Variants in PLXNA4 observed in about 807,000 individuals in gnomAD.
PLXNA4 encodes the protein plexin-A4.
PLXNA4 carries 44 observed loss-of-function variants against 191.8 expected under a neutral mutation model. The ratio of observed to expected loss-of-function variants is 0.23; its 90% CI spans 0.18 to 0.29. The LOEUF is 0.29. Among genes scored for constraint, PLXNA4 ranks in the 10% least tolerant of loss-of-function variants. The pLI, the probability that PLXNA4 is intolerant of heterozygous loss-of-function variation, is 1.00. For synonymous variants in PLXNA4, 1,082 were observed against 1,009.5 expected (o/e 1.07, Z -1.36); for missense variants, 1,800 against 2,488.8 (o/e 0.72, Z 5.89).
At chr7:132,386,631 G>A (rs1772722985) in intron 3 of PLXNA4, among the ~76,000 whole-genome samples, 1 of 152,182 alleles carries the variant, frequency 6.6e-6, no homozygotes, top group Non-Finnish European at 1.5e-5. Context: ...TCTCTCGTTA[G>A]TCAGCCTTTC....
At position 132,124,903 on chromosome 7, in the gene PLXNA4, C is replaced by CAGTCT. The variant is rs1794727051; in HGVS notation, c.*5571_*5575dup. 1 of 152,140 alleles carries CAGTCT rather than the reference C, an allele frequency of 6.6e-6. No homozygotes were observed. Among genetic ancestry groups the CAGTCT allele is most frequent in the African/African-American group, 2.4e-5 (1 of 41,432 alleles). The allele number at this position is 152,140 out of a possible 1,614,324, so 9.4% of individuals were successfully genotyped here. ...CTTTGCTTTGCTTTCTGGTAGGCAC[C>CAGTCT]AGTCTACTCAAGGAATTTAATCGGG... On this transcript the variant is annotated 3_prime_UTR_variant, in exon 32 of 32. Transcript: ENST00000321063.
chr7:132,409,442 G>T lies in PLXNA4; in HGVS notation c.1371+79850C>A, dbSNP rs892600980. ...GCACCTTCTTACAAATCATCTGATGGTCTCATGGTTTCCAGTTCCATTTCC... is the reference window on the plus strand; with the variant it reads ...GCACCTTCTTACAAATCATCTGATGTTCTCATGGTTTCCAGTTCCATTTCC... On this transcript the variant is annotated intron_variant, in intron 3 of 31. Coordinates refer to ENST00000321063, the MANE Select transcript of PLXNA4 (RefSeq NM_020911.2). 9.8e-5 allele frequency among the ~76,000 whole-genome samples: 15 copies of T among 152,296 alleles called. 1 individual carries two copies. In the South Asian group the frequency reaches 2.9e-3, roughly 30 times the overall value.
At chr7:132,206,499 CTT>C in intron 10 of PLXNA4, among the ~76,000 whole-genome samples, 1 of 151,512 alleles carries the variant, frequency 6.6e-6, no homozygotes, top group African/African-American at 2.4e-5. Flanking sequence ...TAAATTTTCT[CTT>C]TGAAGAAATT....
At chr7:132,257,258 A>G (rs2116207381) in intron 4 of PLXNA4, among the ~76,000 whole-genome samples, 1 of 152,332 alleles carries the variant, frequency 6.6e-6, no homozygotes, top group African/African-American at 2.4e-5. Flanking sequence ...CCCAAACATC[A>G]TGGACAATGA....
At chr7:132,321,759 A>C (rs10265728) in intron 3 of PLXNA4, among the ~76,000 whole-genome samples, 20,620 of 152,150 alleles carry the variant, frequency 0.14, 2,242 homozygotes, top group African/African-American at 0.3. Context: ...GGGAGGGGCA[A>C]AAAGGAGGCC....
chr7:132,203,583 T>C (rs545791362), intron 10 of PLXNA4, among the ~76,000 whole-genome samples, 164 bp from the exon 11 acceptor site: 1 of 152,226 alleles, frequency 6.6e-6, no homozygotes, highest in Non-Finnish European at 1.5e-5. Context: ...AGTATGCACA[T>C]GCACATGTGT....
chr7:132,460,493 G>C (rs1796468589), intron 3 of PLXNA4, among the ~76,000 whole-genome samples: 1 of 152,140 alleles, frequency 6.6e-6, no homozygotes, highest in Admixed American at 6.5e-5. Context: ...CTTCTCAAGT[G>C]ACAGCTTCAT....
intron 1 of PLXNA4, among the ~76,000 whole-genome samples, chr7:132,568,764 G>T (rs144010033): frequency 6.6e-6 from 1 of 152,194 alleles, no homozygotes. Flanking sequence ...ATGCCCTACC[G>T]CAGACCCACG....
intron 1 of PLXNA4, among the ~76,000 whole-genome samples, chr7:132,553,419 A>G (rs1039874784): frequency 6.6e-6 from 1 of 152,176 alleles, no homozygotes; most frequent in Non-Finnish European, 1.5e-5. Context: ...GGTGATGGTC[A>G]TCAGCCCAGG....
intron 2 of PLXNA4, among the ~76,000 whole-genome samples, chr7:132,620,135 C>T (rs1408454224): frequency 2.0e-5 from 3 of 152,072 alleles, no homozygotes; most frequent in Non-Finnish European, 2.9e-5. Context: ...TTGATGGTAC[C>T]ATGTTTAAGA....
chr7:132,249,432 T>C (rs1380312865), intron 4 of PLXNA4, among the ~76,000 whole-genome samples: 1 of 152,162 alleles, frequency 6.6e-6, no homozygotes, highest in Non-Finnish European at 1.5e-5. Context: ...CATATGTTGG[T>C]CCTCATTAGC....
chr7:132,361,691 G>A (rs1241178560), intron 3 of PLXNA4, among the ~76,000 whole-genome samples: 2 of 152,170 alleles, frequency 1.3e-5, no homozygotes, highest in African/African-American at 4.8e-5. Context: ...TCATTTCTGT[G>A]CCTCCTTGAA....
chr7:132,191,012 C>T (rs111946972), intron 14 of PLXNA4, among the ~76,000 whole-genome samples: 59 of 152,154 alleles, frequency 3.9e-4, no homozygotes, highest in African/African-American at 1.3e-3. Context: ...ACAACTTTGA[C>T]GAATAAGGAG....
intron 25 of PLXNA4, among the ~76,000 whole-genome samples, chr7:132,157,861 G>T (rs935306001): frequency 3.3e-5 from 5 of 152,082 alleles, no homozygotes; most frequent in Admixed American, 3.3e-4. Context: ...CTCCTTCCAG[G>T]AACTGTTCTC....
intron 4 of PLXNA4, among the ~76,000 whole-genome samples, chr7:132,270,505 T>G (rs944812656): frequency 3.9e-5 from 6 of 152,250 alleles, no homozygotes; most frequent in African/African-American, 1.4e-4. Context: ...AAAATTTAGA[T>G]AGACTTGACA....
rs565637132 is a variant in PLXNA4 at position 132,298,282 on chromosome 7, C to T, written c.1372-60G>A. The T allele has an allele frequency of 2.8e-4, 432 of 1,557,102 alleles. 1 individual carries two copies. Among genetic ancestry groups the T allele is most frequent in the Middle Eastern group, 1.8e-3 (10 of 5,474 alleles). Reference sequence around the variant, plus strand: ...AGATCCTGCACTGCCCACAGCCAAACTTCAGCCAAAGACCCTGTCAACAGC... The same window carrying T: ...AGATCCTGCACTGCCCACAGCCAAATTTCAGCCAAAGACCCTGTCAACAGC... On this transcript the variant is annotated intron_variant, in intron 3 of 31. Transcript: ENST00000321063.
intron 3 of PLXNA4, 86 bp from the exon 4 acceptor site, chr7:132,298,308 C>T: frequency 6.6e-7 from 1 of 1,506,200 alleles, no homozygotes; most frequent in Admixed American, 2.0e-5. Flanking sequence ...TGTCAACAGC[C>T]AAGGGAGAGG....
At chr7:132,608,888 C>T (rs967855417) in intron 2 of PLXNA4, among the ~76,000 whole-genome samples, 2 of 152,212 alleles carry the variant, frequency 1.3e-5, no homozygotes, top group Admixed American at 1.3e-4. Context: ...GGGTCAGATG[C>T]AGTCCTGCTC....
chr7:132,272,713 T>C (rs1488502472), intron 4 of PLXNA4, among the ~76,000 whole-genome samples: 1 of 152,214 alleles, frequency 6.6e-6, no homozygotes, highest in Admixed American at 6.5e-5. Flanking sequence ...ACACTTCTTA[T>C]AGCTTCCCTT....
Sources: allele counts gnomAD v4.1 joint callset (sites outside exome capture counted in the v4.1 genomes callset), GRCh38; gene constraint gnomAD v4.1.1; transcripts MANE v1.5; gene names NCBI Gene and HGNC (gene_info 2026-07-23, HGNC 2026-07-21).